Variants in KIF16B observed in about 807,000 individuals in gnomAD.
The protein encoded by KIF16B is kinesin-like protein KIF16B.
A neutral mutation model predicts 156.3 loss-of-function variants in KIF16B; 98 were observed. That is an observed-to-expected ratio of 0.63 (90% CI 0.53 to 0.74). KIF16B has a LOEUF of 0.74. KIF16B is among the 30% of genes least tolerant of loss of function. The pLI is 0.00. For missense variants in KIF16B, 1,421 were observed against 1,606.5 expected, an observed-to-expected ratio of 0.88 and a Z score of 1.97; for synonymous variants, 564 against 583.7, an observed-to-expected ratio of 0.97 and a Z score of 0.49.
At chr20:16,290,784 A>T in intron 25 of KIF16B, among the ~76,000 whole-genome samples, 1 of 152,166 alleles carries the variant, frequency 6.6e-6, no homozygotes, top group East Asian at 1.9e-4. Context: ...GATCCCCTTC[A>T]CTGGAGACAA....
chr20:16,292,489 G>A (rs965647344), intron 25 of KIF16B, among the ~76,000 whole-genome samples: 2 of 152,154 alleles, frequency 1.3e-5, no homozygotes, highest in Admixed American at 6.5e-5. Flanking sequence ...GACAGCATGA[G>A]GTTCACTCGC....
intron 7 of KIF16B, among the ~76,000 whole-genome samples, chr20:16,506,753 C>T (rs1393964201): frequency 1.3e-5 from 2 of 151,836 alleles, no homozygotes; most frequent in Non-Finnish European, 2.9e-5. Context: ...CCAAAATGCG[C>T]CCCCCGCCAG....
chr20:16,371,848 C>A, intron 20 of KIF16B, 87 bp from the exon 21 acceptor site: 1 of 853,058 alleles, frequency 1.2e-6, no homozygotes, highest in South Asian at 1.5e-5. Flanking sequence ...CCCTTCACAA[C>A]AGGGAGCAAT....
intron 3 of KIF16B, among the ~76,000 whole-genome samples, chr20:16,525,888 T>C (rs1311295381): frequency 6.6e-6 from 1 of 152,024 alleles, no homozygotes; most frequent in South Asian, 2.1e-4. Context: ...GAAAAAAAAA[T>C]CAATCTTTTG....
intron 12 of KIF16B, among the ~76,000 whole-genome samples, chr20:16,460,335 C>T (rs2067312501): frequency 6.6e-6 from 1 of 152,166 alleles, no homozygotes; most frequent in South Asian, 2.1e-4. Context: ...AATCCCAGCA[C>T]TTTGGGAGGC....
chr20:16,396,957 T>G lies in KIF16B; in HGVS notation c.1784+7856A>C, dbSNP rs572382492. On this transcript the variant is annotated intron_variant, in intron 17 of 25. Transcript: ENST00000354981. ...GAATTTAATTATTCAAATACATCCATCTAAATGGGCTCACTACTGGTTAGT... is the reference window on the plus strand; with the variant it reads ...GAATTTAATTATTCAAATACATCCAGCTAAATGGGCTCACTACTGGTTAGT... Among the ~76,000 whole-genome samples the G allele has an allele frequency of 2.0e-5, 3 of 152,308 alleles. No homozygotes were observed. In the East Asian group the frequency reaches 5.8e-4, roughly 29 times the overall value.
intron 17 of KIF16B, among the ~76,000 whole-genome samples, chr20:16,390,031 T>A (rs1463309241): frequency 6.6e-6 from 1 of 152,182 alleles, no homozygotes; most frequent in African/African-American, 2.4e-5. Flanking sequence ...GAGGGGTGTG[T>A]ATCAAGATGG....
intron 12 of KIF16B, among the ~76,000 whole-genome samples, chr20:16,440,336 G>A (rs1004695336): frequency 4.1e-4 from 62 of 151,942 alleles, no homozygotes; most frequent in African/African-American, 1.5e-3. Context: ...GTGAATACAG[G>A]AATTTTAATA....
At chr20:16,346,306 G>A (rs1027344147) in intron 23 of KIF16B, among the ~76,000 whole-genome samples, 10 of 152,236 alleles carry the variant, frequency 6.6e-5, no homozygotes, top group Admixed American at 3.3e-4. Flanking sequence ...AATGGGAGGT[G>A]TATGGAGCTT....
At chr20:16,520,455 G>A (rs1282045130) in intron 3 of KIF16B, among the ~76,000 whole-genome samples, 1 of 152,208 alleles carries the variant, frequency 6.6e-6, no homozygotes, top group Admixed American at 6.5e-5. Context: ...TGGCAAAGCC[G>A]CTGTAGCCAG....
intron 23 of KIF16B, among the ~76,000 whole-genome samples, chr20:16,344,035 T>A (rs1314092271): frequency 6.6e-6 from 1 of 152,200 alleles, no homozygotes; most frequent in African/African-American, 2.4e-5. Context: ...CTCTAAGCTG[T>A]GGCTGGTAAG....
chr20:16,573,161 G>T, intron 1 of KIF16B, 68 bp downstream of exon 1: 2 of 1,435,650 alleles, frequency 1.4e-6, no homozygotes, highest in Non-Finnish European at 1.9e-6. Flanking sequence ...GGCTTTGGGG[G>T]AGCTGGAAAC....
intron 19 of KIF16B, among the ~76,000 whole-genome samples, chr20:16,378,377 T>C (rs2065002827): frequency 2.1e-5 from 3 of 140,208 alleles, no homozygotes; most frequent in African/African-American, 8.0e-5. Flanking sequence ...GAGGAGGAAA[T>C]AGATGCAATG....
intron 23 of KIF16B, among the ~76,000 whole-genome samples, chr20:16,343,021 G>A (rs1483451336): frequency 6.6e-6 from 1 of 152,216 alleles, no homozygotes; most frequent in Non-Finnish European, 1.5e-5. Context: ...GAAATGGGGT[G>A]CTGATGCAGA....
At chr20:16,397,318 C>G (rs1316108820) in intron 17 of KIF16B, among the ~76,000 whole-genome samples, 1 of 152,244 alleles carries the variant, frequency 6.6e-6, no homozygotes, top group Non-Finnish European at 1.5e-5. Context: ...CAAAAATTCT[C>G]TGGCACCAAG....
intron 15 of KIF16B, among the ~76,000 whole-genome samples, chr20:16,407,272 A>C (rs73597766): frequency 2.0e-5 from 3 of 152,148 alleles, no homozygotes; most frequent in Non-Finnish European, 2.9e-5. Flanking sequence ...TGTAAGAGAA[A>C]AGATGTTGCA....
chr20:16,435,764 C>T (rs976276249), intron 12 of KIF16B, among the ~76,000 whole-genome samples: 1 of 152,112 alleles, frequency 6.6e-6, no homozygotes, highest in African/African-American at 2.4e-5. Flanking sequence ...AGCCTTTATT[C>T]TCTTAGTAAT....
intron 25 of KIF16B, among the ~76,000 whole-genome samples, chr20:16,298,415 G>A (rs938861469): frequency 8.5e-5 from 13 of 152,206 alleles, no homozygotes; most frequent in Admixed American, 1.3e-4. Flanking sequence ...TTTATTCAGG[G>A]ATTCAAATTC....
chr20:16,404,867 G>A lies in KIF16B; in HGVS notation c.1730C>T (p.Thr577Ile), dbSNP rs762217307. 6.8e-6 allele frequency: 11 copies of A among 1,613,414 alleles called. No homozygotes were observed. Among genetic ancestry groups the A allele is most frequent in the Non-Finnish European group, 8.5e-6 (10 of 1,179,684 alleles). Residue 577 changes from threonine to isoleucine, a missense_variant, in exon 17 of 26, where the codon ACC (threonine) becomes ATC (isoleucine). Physicochemically the swap from Thr to Ile is moderately conservative, Grantham distance 89. Coordinates refer to ENST00000354981, the MANE Select transcript of KIF16B (RefSeq NM_024704.5). The stretch of plus-strand genomic sequence containing the variant: ...GTTCTCACGGGACTTCGAGAGGTCG[G>A]TCATGGACAAGCTGAAGGAGGACAG... ...GLLSSFSLSM[T>I]DLSKSRENLS...
Sources: allele counts gnomAD v4.1 joint callset (sites outside exome capture counted in the v4.1 genomes callset), GRCh38; gene constraint gnomAD v4.1.1; transcripts MANE v1.5; gene names NCBI Gene and HGNC (gene_info 2026-07-23, HGNC 2026-07-21).